The following SUMO3 variants were observed in gnomAD, a reference collection of about 807,000 sequenced individuals.
The protein encoded by SUMO3 is small ubiquitin-related modifier 3.
A neutral mutation model predicts 11.1 loss-of-function variants in SUMO3; 2 were observed. That is an observed-to-expected ratio of 0.18 (90% CI 0.07 to 0.57). The LOEUF is 0.57. Among genes scored for constraint, SUMO3 ranks in the 20% least tolerant of loss-of-function variants. The pLI, the probability that SUMO3 is intolerant of heterozygous loss-of-function variation, is 0.92. For synonymous variants in SUMO3, 56 were observed against 53.5 expected (o/e 1.05, Z -0.20); for missense variants, 70 against 132.8 (o/e 0.53, Z 2.32).
In SUMO3 at chr21:44,805,718, G is replaced by A. The variant is rs2083172107; in HGVS notation, c.*1233C>T. 6.6e-6 allele frequency: 1 copy of A among 152,518 alleles called. No homozygotes were observed. Among genetic ancestry groups the A allele is most frequent in the South Asian group, 2.1e-4 (1 of 4,820 alleles). The allele number at this position is 152,518 out of a possible 1,614,324, so 9.4% of individuals were successfully genotyped here. ...AACAGAGCCAACAAACATCCCACCC[G>A]AGCCCATACAGCAAACAGGAAATGA... On this transcript the variant is annotated 3_prime_UTR_variant, in exon 4 of 4. Coordinates refer to ENST00000332859, the MANE Select transcript of SUMO3 (RefSeq NM_006936.3).
rs113383188 is a variant in SUMO3 at position 44,806,545 on chromosome 21, C to T, written c.*406G>A. On this transcript the variant is annotated 3_prime_UTR_variant, in exon 4 of 4. Transcript: ENST00000332859. Reference sequence around the variant, plus strand: ...CTGTCCAACAGCTGCATCCCCACTGCGGGAAACACCAATTCTCTATGTGAC... The same window carrying T: ...CTGTCCAACAGCTGCATCCCCACTGTGGGAAACACCAATTCTCTATGTGAC... 1,580 of 184,054 alleles carry T rather than the reference C, an allele frequency of 8.6e-3. 22 individuals carry two copies. Among genetic ancestry groups the T allele is most frequent in the African/African-American group, 0.035 (1,484 of 42,240 alleles). 11.4% of individuals were successfully genotyped at this position (184,054 alleles called of 1,614,324 possible). A position where few individuals can be genotyped will look rare whatever the true frequency, so the allele number is the denominator to read the frequency against.
chr21:44,806,872 C>T lies in SUMO3; in HGVS notation c.*79G>A. The T allele has an allele frequency of 2.5e-6, 4 of 1,585,570 alleles. No homozygotes were observed. The South Asian group carries it at 3.4e-5, about 13-fold the overall frequency. The stretch of plus-strand genomic sequence containing the variant: ...GAATGTCCTCGAGTTTCCGCAGACA[C>T]CTTTGTGGTCGGCATGGTCACGTGC... On this transcript the variant is annotated 3_prime_UTR_variant, in exon 4 of 4. Transcript: ENST00000332859.
At chr21:44,813,921 C>G in intron 2 of SUMO3, 55 bp downstream of exon 2, 1 of 1,601,622 alleles carries the variant, frequency 6.2e-7, no homozygotes, top group Non-Finnish European at 8.5e-7. Context: ...ATGCCTGGAA[C>G]GCACAGGACC....
At position 44,814,092 on chromosome 21, in the gene SUMO3, T is replaced by C. The variant is rs774531863; in HGVS notation, c.34A>G (p.Thr12Ala). 3.1e-6 allele frequency: 5 copies of C among 1,613,722 alleles called. No homozygotes were observed. The highest frequency in any genetic ancestry group is 4.2e-6 in the Non-Finnish European group (5 of 1,179,948). The change falls in exon 2 of 4, where the codon ACA (threonine) becomes GCA (alanine). Residue 12 changes from threonine to alanine, a missense_variant. By Grantham distance (58) the Thr-to-Ala change is moderately conservative. Coordinates refer to ENST00000332859, the MANE Select transcript of SUMO3 (RefSeq NM_006936.3). ...TTCAGGTTGATGTGGTCATTCTCTG[T>C]CTTCACACCCTCCTGCAGAAGACAC... ...SEEKPKEGVK[T>A]ENDHINLKVA... is the part of the protein sequence containing the mutation.
chr21:44,808,967 T>A, intron 3 of SUMO3, 80 bp downstream of exon 3: 1 of 1,196,054 alleles, frequency 8.4e-7, no homozygotes, highest in Non-Finnish European at 1.2e-6. Flanking sequence ...CCTACAATTC[T>A]CAAATAAGCG....
At position 44,812,053 on chromosome 21, in the gene SUMO3, C is replaced by CTTTTTTTT. The variant is rs386394862; in HGVS notation, c.150+1915_150+1922dup. Among the ~76,000 whole-genome samples the CTTTTTTTT allele has an allele frequency of 2.7e-4, 22 of 80,988 alleles. 1 individual carries two copies. The highest frequency in any genetic ancestry group is 9.9e-4 in the East Asian group (2 of 2,012). The allele number at this position is 80,988 out of a possible 152,430, so 53.1% of individuals were successfully genotyped here. A position where few individuals can be genotyped will look rare whatever the true frequency, so the allele number is the denominator to read the frequency against. On this transcript the variant is annotated intron_variant, in intron 2 of 3. Coordinates refer to ENST00000332859, the MANE Select transcript of SUMO3 (RefSeq NM_006936.3). ...AATCAGAATCCACTGAACTTCTCACCTTTTTTTTTTTTTTTTTTTTTTTGA... is the reference window on the plus strand; with the variant it reads ...AATCAGAATCCACTGAACTTCTCACCTTTTTTTTTTTTTTTTTTTTTTTTTTTTTTTGA...
Position 44,813,988 on chromosome 21 carries a change from G to A in SUMO3, c.138C>T (p.Tyr46=), listed in dbSNP as rs1007969318. 6.2e-7 allele frequency: 1 copy of A among 1,612,172 alleles called. No individual in the cohort carries two copies. The highest frequency in any genetic ancestry group is 8.5e-7 in the Non-Finnish European group (1 of 1,179,996). ...CAAGGTGCCGCACCTGCCTCTCGCA[G>A]TAGGCCTTCATCAGCTTGCTCAGCG... ...HTPLSKLMKA[Y]CERQGLSMRQ... The change falls in exon 2 of 4, where the codon TAC becomes TAT. Residue 46 remains tyrosine, a synonymous_variant. Transcript: ENST00000332859.
chr21:44,810,968 A>ACACATGCACACACCCACACATGCACT lies in SUMO3; in HGVS notation c.151-1851_151-1850insAGTGCATGTGTGGGTGTGTGCATGTG, dbSNP rs2083206653. ...CACATGCACACACCCACACATGCAC[A>ACACATGCACACACCCACACATGCACT]CCCATGCACACACCCATGCACACAC... On this transcript the variant is annotated intron_variant, in intron 2 of 3. Coordinates refer to ENST00000332859, the MANE Select transcript of SUMO3 (RefSeq NM_006936.3). The surrounding 1 kb of genome is among the most constrained non-coding windows in gnomAD (Gnocchi z 4.1). 6.7e-6 allele frequency among the ~76,000 whole-genome samples: 1 copy of ACACATGCACACACCCACACATGCACT among 148,496 alleles called. No individual in the cohort carries two copies. The highest frequency in any genetic ancestry group is 2.1e-4 in the South Asian group (1 of 4,706).
In SUMO3 at chr21:44,806,651, T is replaced by G. The variant is rs8645; in HGVS notation, c.*300A>C. 0.14 allele frequency: 70,486 copies of G among 499,016 alleles called. 5,877 individuals are homozygous for G. Among genetic ancestry groups the G allele is most frequent in the African/African-American group, 0.23 (11,513 of 49,552 alleles). 30.9% of individuals were successfully genotyped at this position (499,016 alleles called of 1,614,324 possible). A position where few individuals can be genotyped will look rare whatever the true frequency, so the allele number is the denominator to read the frequency against. ...AAAGCGAACATTCAGGCTATAATTTTGGGGTTAAAAAAATGTTGTAGGAGG... is the reference window on the plus strand; with the variant it reads ...AAAGCGAACATTCAGGCTATAATTTGGGGGTTAAAAAAATGTTGTAGGAGG... On this transcript the variant is annotated 3_prime_UTR_variant, in exon 4 of 4. Coordinates refer to ENST00000332859, the MANE Select transcript of SUMO3 (RefSeq NM_006936.3).
chr21:44,811,892 C>T lies in SUMO3; in HGVS notation c.150+2084G>A, dbSNP rs916007739. On this transcript the variant is annotated intron_variant, in intron 2 of 3. Transcript: ENST00000332859. The surrounding 1 kb of genome is among the most constrained non-coding windows in gnomAD (Gnocchi z 5.0). ...GGCATATTTCCTGAATAAAAATAAA[C>T]GTCCAGACCCATAAAGTGCCCAGCA... Among the ~76,000 whole-genome samples the T allele has an allele frequency of 6.6e-6, 1 of 152,030 alleles. No individual in the cohort carries two copies. Among genetic ancestry groups the T allele is most frequent in the African/African-American group, 2.4e-5 (1 of 41,404 alleles).
Position 44,813,831 on chromosome 21 carries a change from GC to G in SUMO3, c.150+144del, listed in dbSNP as rs1213866759. On this transcript the variant is annotated intron_variant, in intron 2 of 3. Transcript: ENST00000332859. ...AGCCTGGACTAATTTTACAGCACAAGCCCCCGCCTGCCCATCCACGAAGAGG... is the reference window on the plus strand; with the variant it reads ...AGCCTGGACTAATTTTACAGCACAAGCCCCGCCTGCCCATCCACGAAGAGG... 7 of 1,540,084 alleles carry G rather than the reference GC, an allele frequency of 4.5e-6. No homozygotes were observed. The East Asian group carries it at 1.2e-4, about 27-fold the overall frequency.
At chr21:44,813,303 G>A (rs2083223230) in intron 2 of SUMO3, among the ~76,000 whole-genome samples, 1 of 152,138 alleles carries the variant, frequency 6.6e-6, no homozygotes, top group Non-Finnish European at 1.5e-5. Flanking sequence ...GCAGCAGCTG[G>A]TGGGCAAAGC....
intron 1 of SUMO3, 108 bp downstream of exon 1, chr21:44,817,840 G>T (rs1429058207): frequency 3.8e-3 from 1 of 264 alleles, no homozygotes; most frequent in Non-Finnish European, 7.6e-3. Flanking sequence ...GGGAGGGGCG[G>T]AGCCTGTCAG....
At position 44,817,999 on chromosome 21, in the gene SUMO3, G is replaced by A. The variant is rs1427159642; in HGVS notation, c.-31C>T. On this transcript the variant is annotated 5_prime_UTR_variant, in exon 1 of 4. Coordinates refer to ENST00000332859, the MANE Select transcript of SUMO3 (RefSeq NM_006936.3). ...CGCGAGCGGCGCGGGGAGGCGGCGC[G>A]GGGGAAGCAGCGCGGAGCGGGCGAG... The A allele has an allele frequency of 7.6e-6, 9 of 1,178,084 alleles. No individual in the cohort carries two copies. The highest frequency in any genetic ancestry group is 9.4e-6 in the Non-Finnish European group (9 of 953,112). 73.0% of individuals were successfully genotyped at this position (1,178,084 alleles called of 1,614,324 possible).
chr21:44,812,846 G>A (rs1360862014), intron 2 of SUMO3, among the ~76,000 whole-genome samples: 1 of 152,222 alleles, frequency 6.6e-6, no homozygotes, highest in African/African-American at 2.4e-5. Context: ...CACACACAGT[G>A]GCCACGAGCC....
rs114523049 is a variant in SUMO3, at chr21:44,816,911, G to A, written c.21+1037C>T. 4.9e-3 allele frequency among the ~76,000 whole-genome samples: 644 copies of A among 131,446 alleles called. 14 individuals are homozygous for A. The highest frequency in any genetic ancestry group is 0.018 in the African/African-American group (617 of 33,448). 86.2% of individuals were successfully genotyped at this position (131,446 alleles called of 152,430 possible). The stretch of plus-strand genomic sequence containing the variant: ...CACTATAGGGGGCGTGATGGGGAGG[G>A]GTGGGCGCACATCGTGGAGGGGGTG... On this transcript the variant is annotated intron_variant, in intron 1 of 3. Coordinates refer to ENST00000332859, the MANE Select transcript of SUMO3 (RefSeq NM_006936.3).
intron 2 of SUMO3, among the ~76,000 whole-genome samples, chr21:44,809,412 A>G (rs74706647): frequency 0.017 from 2,546 of 152,274 alleles, 38 homozygotes; most frequent in African/African-American, 0.038. Context: ...CTCTCTGATG[A>G]GCTAAAACGG....
At chr21:44,808,673 T>C in intron 3 of SUMO3, 1 of 1,370,500 alleles carries the variant, frequency 7.3e-7, no homozygotes, top group South Asian at 1.8e-5. Flanking sequence ...CCCACCCACG[T>C]CACTTGTGCA....
At position 44,805,628 on chromosome 21, in the gene SUMO3, A is replaced by G. The variant is rs909599337; in HGVS notation, c.*1323T>C. On this transcript the variant is annotated 3_prime_UTR_variant, in exon 4 of 4. Transcript: ENST00000332859. ...AGTAGAAGCCAAGAGACAGAATACCAAACTATATTTACTGTTTACAGTAGT... is the reference window on the plus strand; with the variant it reads ...AGTAGAAGCCAAGAGACAGAATACCGAACTATATTTACTGTTTACAGTAGT... 6.5e-6 allele frequency: 1 copy of G among 152,696 alleles called. No homozygotes were observed. Among genetic ancestry groups the G allele is most frequent in the African/African-American group, 2.4e-5 (1 of 41,474 alleles). The allele number at this position is 152,696 out of a possible 1,614,324, so 9.5% of individuals were successfully genotyped here. A position where few individuals can be genotyped will look rare whatever the true frequency, so the allele number is the denominator to read the frequency against.
Sources: gnomAD v4.1 joint callset for allele counts (sites outside exome capture counted in the v4.1 genomes callset) on GRCh38, gnomAD v4.1.1 for gene constraint, Gnocchi (gnomAD v3.1) non-coding constraint, MANE v1.5 for transcripts, NCBI Gene and HGNC (gene_info 2026-07-23, HGNC 2026-07-21) for gene names.